Variants in GMDS observed in about 807,000 individuals in gnomAD.
GMDS encodes GDP-mannose 4,6-dehydratase, also known as GDP-mannose 4,6 dehydratase.
A neutral mutation model predicts 49.9 loss-of-function variants in GMDS; 20 were observed. That is an observed-to-expected ratio of 0.40 (90% confidence interval 0.28 to 0.58). The LOEUF (loss-of-function observed/expected upper bound fraction) is 0.58, where lower values mean the gene tolerates loss of function less well. Among genes scored for constraint, GMDS ranks in the 20% least tolerant of loss-of-function variants. The pLI, the probability that GMDS is intolerant of heterozygous loss-of-function variation, is 0.42. For synonymous variants in GMDS, 177 were observed against 178.6 expected (o/e 0.99, Z 0.07); for missense variants, 362 against 481.4 (o/e 0.75, Z 2.32).
chr6:1,821,627 T>G (rs1054311604), intron 7 of GMDS, among the ~76,000 whole-genome samples: 32 of 150,278 alleles, frequency 2.1e-4, no homozygotes, highest in Admixed American at 9.9e-4. Context: ...TTTTTTTTTT[T>G]TTTTTTTTTT....
At chr6:2,006,966 T>C (rs1214818164) in intron 4 of GMDS, among the ~76,000 whole-genome samples, 1 of 152,258 alleles carries the variant, frequency 6.6e-6, no homozygotes, top group African/African-American at 2.4e-5. Flanking sequence ...CCATCTGTCA[T>C]ATAATTTCTT....
At chr6:2,026,998 C>T (rs1025457427) in intron 4 of GMDS, among the ~76,000 whole-genome samples, 1 of 151,856 alleles carries the variant, frequency 6.6e-6, no homozygotes, top group African/African-American at 2.4e-5. Context: ...CCAAAAAATC[C>T]CCCAGAAATT....
chr6:1,768,575 G>A (rs548105217), intron 7 of GMDS, among the ~76,000 whole-genome samples: 1 of 152,316 alleles, frequency 6.6e-6, no homozygotes, highest in South Asian at 2.1e-4. Flanking sequence ...TATACAGGTT[G>A]AGTACCCCAA....
At chr6:1,789,862 T>A (rs1769467541) in intron 7 of GMDS, among the ~76,000 whole-genome samples, 1 of 152,214 alleles carries the variant, frequency 6.6e-6, no homozygotes, top group Non-Finnish European at 1.5e-5. Context: ...AATTGTATCT[T>A]ACTGCTGGTA....
intron 7 of GMDS, among the ~76,000 whole-genome samples, chr6:1,826,682 T>C (rs941158216): frequency 6.6e-6 from 1 of 152,226 alleles, no homozygotes; most frequent in Non-Finnish European, 1.5e-5. Flanking sequence ...TGAGGCCCTA[T>C]ATAAGTTTCA....
chr6:1,748,026 T>C (rs970215794), intron 7 of GMDS, among the ~76,000 whole-genome samples: 1 of 152,224 alleles, frequency 6.6e-6, no homozygotes, highest in Admixed American at 6.5e-5. Context: ...GCTTCTTTCT[T>C]TGCTAACATA....
rs118190100 is a variant in GMDS, at chr6:2,181,231, A to T, written c.103-56500T>A. Among the ~76,000 whole-genome samples the T allele has an allele frequency of 6.6e-5, 10 of 151,922 alleles. No individual in the cohort carries two copies. The East Asian group carries it at 1.6e-3, about 24-fold the overall frequency. On this transcript the variant is annotated intron_variant, in intron 1 of 10. Transcript: ENST00000380815. The stretch of plus-strand genomic sequence containing the variant: ...TGAAATTCCATGTTTAACAGAATTC[A>T]TTAAAAAGGTACACAGCAGCAAGGA...
intron 9 of GMDS, among the ~76,000 whole-genome samples, chr6:1,702,805 T>C (rs923164619): frequency 3.9e-5 from 6 of 152,208 alleles, no homozygotes; most frequent in Admixed American, 6.5e-5. Context: ...TCACTGCCCA[T>C]CTGGTGACCC....
At chr6:1,734,271 T>C (rs553678711) in intron 8 of GMDS, among the ~76,000 whole-genome samples, 26 of 152,216 alleles carry the variant, frequency 1.7e-4, no homozygotes, top group Admixed American at 7.9e-4. Context: ...AATAACCATC[T>C]ACCACAAAAA....
chr6:1,872,680 A>T (rs571041279), intron 7 of GMDS, among the ~76,000 whole-genome samples: 3 of 152,390 alleles, frequency 2.0e-5, no homozygotes, highest in Admixed American at 1.3e-4. Context: ...AAGAGCAAGC[A>T]ATTAGCTAAC....
chr6:2,175,886 G>A (rs1778261410), intron 1 of GMDS: 1 of 979,952 alleles, frequency 1.0e-6, no homozygotes, highest in Non-Finnish European at 1.6e-6. Flanking sequence ...TCAGGCTTGT[G>A]GCACTATGAT....
At chr6:1,637,703 G>GT in intron 9 of GMDS, among the ~76,000 whole-genome samples, 4 of 152,382 alleles carry the variant, frequency 2.6e-5, no homozygotes, top group Admixed American at 2.6e-4. Flanking sequence ...CCCAAGGGGA[G>GT]TTCCCTCTGC....
At chr6:1,936,091 G>A (rs879132464) in intron 6 of GMDS, among the ~76,000 whole-genome samples, 5 of 152,130 alleles carry the variant, frequency 3.3e-5, no homozygotes, top group Admixed American at 6.5e-5. Context: ...TACTAGAACC[G>A]TGTCTAACAC....
At chr6:1,883,808 T>C (rs1450961775) in intron 7 of GMDS, among the ~76,000 whole-genome samples, 2 of 152,198 alleles carry the variant, frequency 1.3e-5, no homozygotes, top group African/African-American at 2.4e-5. Context: ...CATTTAAATA[T>C]ATCTAAAAGG....
chr6:1,666,911 C>A (rs1232611999), intron 9 of GMDS, among the ~76,000 whole-genome samples: 1 of 152,246 alleles, frequency 6.6e-6, no homozygotes. Flanking sequence ...GGAGTCAACT[C>A]TCCCATTAAT....
intron 9 of GMDS, among the ~76,000 whole-genome samples, chr6:1,705,659 T>C (rs1354619564): frequency 2.0e-5 from 3 of 152,162 alleles, no homozygotes; most frequent in African/African-American, 2.4e-5. Flanking sequence ...TCACGGATAA[T>C]GGACTGCGCA....
chr6:1,846,080 C>CTTT (rs11298909), intron 7 of GMDS, among the ~76,000 whole-genome samples: 2 of 121,664 alleles, frequency 1.6e-5, no homozygotes, highest in African/African-American at 6.1e-5. Flanking sequence ...CACCATGTTT[C>CTTT]TTTTTTTTTT....
At position 1,712,399 on chromosome 6, in the gene GMDS, G is replaced by A. The variant is rs1256793636; in HGVS notation, c.987+14017C>T. 5.3e-5 allele frequency among the ~76,000 whole-genome samples: 8 copies of A among 152,334 alleles called. No homozygotes were observed. The South Asian group carries it at 1.7e-3, about 32-fold the overall frequency. ...AGATGTAAGTAGCTAAATGAACTTT[G>A]AAGTGCTGTGTTCTTATCTTAGCTC... On this transcript the variant is annotated intron_variant, in intron 9 of 10. Transcript: ENST00000380815.
intron 9 of GMDS, among the ~76,000 whole-genome samples, chr6:1,667,636 T>G (rs1311111820): frequency 6.6e-6 from 1 of 151,994 alleles, no homozygotes; most frequent in Non-Finnish European, 1.5e-5. Context: ...AAATTGATGG[T>G]GACAGTCCTG....
Sources: allele counts gnomAD v4.1 joint callset (sites outside exome capture counted in the v4.1 genomes callset), GRCh38; gene constraint gnomAD v4.1.1; transcripts MANE v1.5; gene names NCBI Gene and HGNC (gene_info 2026-07-23, HGNC 2026-07-21).